PCDHA5: variants seen among roughly 807,000 people sequenced by gnomAD.
The protein encoded by PCDHA5 is protocadherin alpha-5.
In PCDHA5, 43 loss-of-function variants were observed where a neutral mutation model predicts 61.6. The ratio of observed to expected loss-of-function variants is 0.70; its 90% CI spans 0.55 to 0.90. The LOEUF is 0.90. Among genes scored for constraint, PCDHA5 ranks in the 40% least tolerant of loss-of-function variants. PCDHA5 has a pLI of 0.00. For synonymous variants in PCDHA5, 627 were observed against 543.9 expected, an observed-to-expected ratio of 1.15 and a Z score of -2.13; for missense variants, 1,298 against 1,222.7, an observed-to-expected ratio of 1.06 and a Z score of -0.92.
chr5:140,961,920 G>A (rs2095643236), intron 1 of PCDHA5, among the ~76,000 whole-genome samples: 1 of 147,904 alleles, frequency 6.8e-6, no homozygotes, highest in South Asian at 2.1e-4. Context: ...GTCTCGCTCT[G>A]TTGCCCAGGC....
At chr5:140,952,242 C>T (rs1469286013) in intron 1 of PCDHA5, among the ~76,000 whole-genome samples, 2 of 151,750 alleles carry the variant, frequency 1.3e-5, no homozygotes, top group African/African-American at 4.8e-5. Context: ...CTGCTTAGAA[C>T]TGCTGGTGGA....
At chr5:141,006,108 T>C (rs1268824828) in intron 3 of PCDHA5, among the ~76,000 whole-genome samples, 5 of 151,864 alleles carry the variant, frequency 3.3e-5, no homozygotes. Context: ...GTAAGGAGTT[T>C]TTTTTTTTTT....
intron 1 of PCDHA5, chr5:140,857,310 A>G (rs781828328): frequency 6.3e-7 from 1 of 1,598,492 alleles, no homozygotes; most frequent in Non-Finnish European, 8.6e-7. Context: ...TCGGCCTATG[A>G]GCTGGTGGTG....
At chr5:140,930,832 T>A (rs1375434055) in intron 1 of PCDHA5, among the ~76,000 whole-genome samples, 1 of 152,226 alleles carries the variant, frequency 6.6e-6, no homozygotes, top group East Asian at 1.9e-4. Flanking sequence ...GCTGACTGAA[T>A]GAATAAATAT....
chr5:140,954,271 A>G (rs1284942355), intron 1 of PCDHA5, among the ~76,000 whole-genome samples: 2 of 152,140 alleles, frequency 1.3e-5, no homozygotes, highest in South Asian at 2.1e-4. Context: ...TTATAATAGG[A>G]TGATTTATAT....
intron 3 of PCDHA5, among the ~76,000 whole-genome samples, chr5:140,998,290 C>T (rs782194130): frequency 3.9e-5 from 6 of 152,180 alleles, no homozygotes; most frequent in Admixed American, 2.6e-4. Context: ...TAAATCAGAT[C>T]ACACATTTAG....
chr5:140,896,008 T>C (rs1231092307), intron 1 of PCDHA5, among the ~76,000 whole-genome samples: 4 of 152,082 alleles, frequency 2.6e-5, no homozygotes, highest in Non-Finnish European at 4.4e-5. Flanking sequence ...ACAGGGTTTC[T>C]CCATGTTGGC....
At chr5:140,865,342 T>C (rs1437907469) in intron 1 of PCDHA5, 1 of 152,320 alleles carries the variant, frequency 6.6e-6, no homozygotes, top group African/African-American at 2.4e-5. Context: ...AAAGAAATAG[T>C]ATATTTACAT....
At chr5:140,877,149 C>T in intron 1 of PCDHA5, 5 of 1,613,766 alleles carry the variant, frequency 3.1e-6, no homozygotes, top group Non-Finnish European at 4.2e-6. Flanking sequence ...TGGACGAGAA[C>T]GACAACGCGC....
chr5:140,997,380 C>T (rs1554255860), intron 3 of PCDHA5, among the ~76,000 whole-genome samples: 1 of 152,112 alleles, frequency 6.6e-6, no homozygotes. Flanking sequence ...ATATAGCATA[C>T]TACACACTTA....
Position 140,822,140 on chromosome 5 carries a change from T to A in PCDHA5, c.365T>A (p.Val122Glu), listed in dbSNP as rs2150114036. The A allele has an allele frequency of 3.1e-6, 5 of 1,614,222 alleles. No homozygotes were observed. The highest frequency in any genetic ancestry group is 4.2e-6 in the Non-Finnish European group (5 of 1,180,034). ...PLQVFHVEVAVKDINDNPPRF... is the reference protein window; with the variant it reads ...PLQVFHVEVAEKDINDNPPRF... The stretch of plus-strand genomic sequence containing the variant: ...CAGGTTTTCCATGTGGAGGTGGCAG[T>A]GAAGGACATCAATGACAATCCGCCC... Residue 122 changes from valine (V) to glutamate (E), a missense_variant, in exon 1 of 4, where the codon GTG becomes GAG. Physicochemically the swap from Val to Glu is moderately radical, Grantham distance 121. Transcript: ENST00000529859.
At chr5:140,856,925 T>G in intron 1 of PCDHA5, 1 of 1,595,180 alleles carries the variant, frequency 6.3e-7, no homozygotes, top group Non-Finnish European at 8.6e-7. Flanking sequence ...AAGGAAATTT[T>G]GGATAAACGA....
intron 1 of PCDHA5, among the ~76,000 whole-genome samples, chr5:140,878,982 T>C (rs1484097371): frequency 2.0e-5 from 3 of 152,206 alleles, no homozygotes; most frequent in African/African-American, 4.8e-5. Flanking sequence ...CCCTCTATCT[T>C]AGAAATGAGA....
chr5:140,901,857 G>A (rs782415424), intron 1 of PCDHA5, among the ~76,000 whole-genome samples: 4 of 151,902 alleles, frequency 2.6e-5, no homozygotes, highest in African/African-American at 4.8e-5. Flanking sequence ...CCATTTTTTT[G>A]TGTCCTCTTC....
At chr5:140,873,476 G>A (rs2054312814) in intron 1 of PCDHA5, among the ~76,000 whole-genome samples, 1 of 151,958 alleles carries the variant, frequency 6.6e-6, no homozygotes, top group African/African-American at 2.4e-5. Flanking sequence ...CAAATTACTT[G>A]GACTGATTTC....
chr5:140,835,883 C>A, intron 1 of PCDHA5: 4 of 1,611,944 alleles, frequency 2.5e-6, no homozygotes, highest in Non-Finnish European at 3.4e-6. Flanking sequence ...TGCGGGTGGG[C>A]GAGCGCGCGC....
rs2150340110 is a variant in PCDHA5, at chr5:140,842,596, A to G, written c.2352+18469A>G. On this transcript the variant is annotated intron_variant, in intron 1 of 3. Coordinates refer to ENST00000529859, the MANE Select transcript of PCDHA5 (RefSeq NM_018908.3). ...GAGTGTCGGCCTATGAGTTGGTGGTAACCGCGCGGGACGGGGGCTCGCCTT... is the reference window on the plus strand; with the variant it reads ...GAGTGTCGGCCTATGAGTTGGTGGTGACCGCGCGGGACGGGGGCTCGCCTT... 5.2e-6 allele frequency: 8 copies of G among 1,537,682 alleles called. 1 individual carries two copies. Among genetic ancestry groups the G allele is most frequent in the South Asian group, 3.4e-5 (3 of 88,884 alleles).
chr5:140,954,836 A>T (rs1185482098), intron 1 of PCDHA5, among the ~76,000 whole-genome samples: 1 of 152,086 alleles, frequency 6.6e-6, no homozygotes, highest in Non-Finnish European at 1.5e-5. Context: ...TTTGTCATGA[A>T]ATCTTTGCCT....
At chr5:141,006,612 AAGG>A (rs2098279964) in intron 3 of PCDHA5, among the ~76,000 whole-genome samples, 1 of 152,204 alleles carries the variant, frequency 6.6e-6, no homozygotes, top group African/African-American at 2.4e-5. Flanking sequence ...CAGACTGAAT[AAGG>A]AGACTATTGC....
Sources: gnomAD v4.1 joint callset for allele counts (sites outside exome capture counted in the v4.1 genomes callset) on GRCh38, gnomAD v4.1.1 for gene constraint, MANE v1.5 for transcripts, NCBI Gene and HGNC (gene_info 2026-07-23, HGNC 2026-07-21) for gene names.